SCHIP1: variants seen among roughly 807,000 people sequenced by gnomAD.
SCHIP1 encodes schwannomin interacting protein 1, also known as schwannomin-interacting protein 1.
SCHIP1 carries 8 observed loss-of-function variants against 29.7 expected under a neutral mutation model. The ratio of observed to expected loss-of-function variants is 0.27; its 90% CI spans 0.16 to 0.49. SCHIP1 has a LOEUF of 0.49. SCHIP1 is among the 20% of genes least tolerant of loss of function. The pLI is 0.99. For missense variants in SCHIP1, 193 were observed against 294.6 expected (o/e 0.66, Z 2.52); for synonymous variants, 76 against 94.9 (o/e 0.80, Z 1.16).
At chr3:159,392,712 T>C in the SCHIP1 span, among the ~76,000 whole-genome samples, 2 of 152,024 alleles carry the variant, frequency 1.3e-5, no homozygotes, top group Non-Finnish European at 2.9e-5. Context: ...CAGTCTATCA[T>C]TGTTGGACAT....
At chr3:159,716,296 A>T in the SCHIP1 span, among the ~76,000 whole-genome samples, 1 of 152,248 alleles carries the variant, frequency 6.6e-6, no homozygotes, top group Non-Finnish European at 1.5e-5. Context: ...CTGCAAAAAT[A>T]TGCCAAATTG....
At chr3:159,305,191 G>A in the SCHIP1 span, among the ~76,000 whole-genome samples, 1 of 152,120 alleles carries the variant, frequency 6.6e-6, no homozygotes, top group Non-Finnish European at 1.5e-5. Flanking sequence ...ACCTGGCCCA[G>A]AGCCCTGCTG....
the SCHIP1 span, among the ~76,000 whole-genome samples, chr3:159,639,244 A>G: frequency 6.6e-6 from 1 of 152,110 alleles, no homozygotes; most frequent in Non-Finnish European, 1.5e-5. Context: ...TCTCACCCTT[A>G]GTCCTCATTT....
chr3:159,343,611 T>C, the SCHIP1 span, among the ~76,000 whole-genome samples: 2 of 152,210 alleles, frequency 1.3e-5, no homozygotes, highest in African/African-American at 4.8e-5. Flanking sequence ...TAATATTTCT[T>C]GTATCACAGT....
the SCHIP1 span, among the ~76,000 whole-genome samples, chr3:159,480,483 G>A: frequency 6.6e-6 from 1 of 152,120 alleles, no homozygotes; most frequent in African/African-American, 2.4e-5. Flanking sequence ...AGAGTAAAAT[G>A]ATGATGGCTT....
At chr3:159,703,911 C>G in the SCHIP1 span, among the ~76,000 whole-genome samples, 1 of 152,142 alleles carries the variant, frequency 6.6e-6, no homozygotes, top group Non-Finnish European at 1.5e-5. Flanking sequence ...CCCTCTCATC[C>G]CCACAATTAA....
At chr3:159,656,723 T>A in the SCHIP1 span, among the ~76,000 whole-genome samples, 5 of 152,182 alleles carry the variant, frequency 3.3e-5, no homozygotes, top group Non-Finnish European at 7.3e-5. Context: ...GTTCTGTAAA[T>A]GTTGGTTCCA....
At chr3:159,316,196 A>C in the SCHIP1 span, among the ~76,000 whole-genome samples, 4 of 152,040 alleles carry the variant, frequency 2.6e-5, no homozygotes, top group Non-Finnish European at 5.9e-5. Context: ...ATATATATAT[A>C]TATCTATAAA....
the SCHIP1 span, among the ~76,000 whole-genome samples, chr3:159,385,589 CCA>C: frequency 0.058 from 3,885 of 67,438 alleles, 172 homozygotes; most frequent in African/African-American, 0.2. Context: ...AAAAAAAAAA[CCA>C]AAAAAAAAAA....
At chr3:159,724,278 T>C in the SCHIP1 span, among the ~76,000 whole-genome samples, 1 of 152,190 alleles carries the variant, frequency 6.6e-6, no homozygotes, top group Non-Finnish European at 1.5e-5. Flanking sequence ...CAGATTTTAA[T>C]CCTGATCAGG....
the SCHIP1 span, among the ~76,000 whole-genome samples, chr3:159,379,502 C>T: frequency 1.3e-5 from 2 of 152,270 alleles, no homozygotes; most frequent in East Asian, 1.9e-4. Flanking sequence ...GGATAACAGG[C>T]GTGAGCCACC....
At chr3:159,307,715 T>G in the SCHIP1 span, among the ~76,000 whole-genome samples, 3 of 152,146 alleles carry the variant, frequency 2.0e-5, no homozygotes, top group Admixed American at 6.6e-5. Flanking sequence ...GGTCTTGTAT[T>G]TAAGTTTTTA....
the SCHIP1 span, among the ~76,000 whole-genome samples, chr3:159,302,560 T>C: frequency 4.6e-5 from 7 of 152,252 alleles, no homozygotes; most frequent in African/African-American, 1.4e-4. Flanking sequence ...TTTATTTAAA[T>C]ATGTCAGTTG....
chr3:159,582,856 TAATTC>T, the SCHIP1 span, among the ~76,000 whole-genome samples: 1 of 150,682 alleles, frequency 6.6e-6, no homozygotes, highest in Admixed American at 6.6e-5. Flanking sequence ...TCATGGAAAT[TAATTC>T]AGGACACCCC....
chr3:159,725,752 C>T, the SCHIP1 span, among the ~76,000 whole-genome samples: 1 of 152,292 alleles, frequency 6.6e-6, no homozygotes, highest in East Asian at 1.9e-4. Context: ...GGTGCATTGT[C>T]TTTTAACAGG....
chr3:159,408,604 G>T, the SCHIP1 span, among the ~76,000 whole-genome samples: 2 of 151,978 alleles, frequency 1.3e-5, no homozygotes, highest in Non-Finnish European at 2.9e-5. Context: ...CATACAACCT[G>T]AGCAGACCAA....
chr3:159,437,971 T>C, the SCHIP1 span, among the ~76,000 whole-genome samples: 1 of 152,164 alleles, frequency 6.6e-6, no homozygotes, highest in Non-Finnish European at 1.5e-5. Context: ...ATAGCTCAGC[T>C]TCTCCAGCTA....
intron 1 of SCHIP1, among the ~76,000 whole-genome samples, chr3:159,854,336 G>T (rs6441278): frequency 2.0e-5 from 3 of 152,068 alleles, no homozygotes; most frequent in Non-Finnish European, 4.4e-5. Context: ...AGATCCTTAC[G>T]TATAGTAATG....
chr3:159,533,727 A>C, the SCHIP1 span, among the ~76,000 whole-genome samples: 1 of 152,192 alleles, frequency 6.6e-6, no homozygotes, highest in African/African-American at 2.4e-5. Flanking sequence ...CCTTCAGGTC[A>C]GCAATGGATT....
Sources: gnomAD v4.1 joint callset for allele counts (sites outside exome capture counted in the v4.1 genomes callset) on GRCh38, gnomAD v4.1.1 for gene constraint, MANE v1.5 for transcripts, NCBI Gene and HGNC (gene_info 2026-07-23, HGNC 2026-07-21) for gene names.